The following PHACTR4 variants were observed in gnomAD, a reference collection of about 807,000 sequenced individuals.
The protein encoded by PHACTR4 is protein phosphatase 1, regulatory subunit 124.
PHACTR4 carries 51 observed loss-of-function variants against 72.7 expected under a neutral mutation model. The ratio of observed to expected loss-of-function variants is 0.70; its 90% CI spans 0.56 to 0.89. PHACTR4 has a LOEUF of 0.89. Ranked by LOEUF, PHACTR4 falls within the 40% of genes least tolerant of loss-of-function variation. The probability of loss-of-function intolerance (pLI) is 0.00; values close to 1 mark genes in which losing one functional copy is unlikely to be tolerated. For missense variants in PHACTR4, 731 were observed against 861.8 expected (o/e 0.85, Z 1.90); for synonymous variants, 255 against 302.5 (o/e 0.84, Z 1.63).
chr1:28,385,264 C>G (rs1236105651), intron 1 of PHACTR4, among the ~76,000 whole-genome samples: 1 of 151,944 alleles, frequency 6.6e-6, no homozygotes, highest in African/African-American at 2.4e-5. Flanking sequence ...TCATTCAGGG[C>G]CAGTAACAGT....
At chr1:28,491,143 A>G (rs1183793580) in intron 11 of PHACTR4, 131 bp downstream of exon 11, 6 of 871,504 alleles carry the variant, frequency 6.9e-6, no homozygotes, top group Non-Finnish European at 1.1e-5. Context: ...CCATGGCAGG[A>G]GGATTGCTTG....
rs1446073776 is a variant in PHACTR4, at chr1:28,491,721, A to G, written c.1950A>G (p.Val650=). ...KILRFNEYVE[V]TDAQDYDRRA... ...TGAGGTTTAATGAATATGTAGAGGTAACAGATGCTCAAGATTATGACCGGC... is the reference window on the plus strand; with the variant it reads ...TGAGGTTTAATGAATATGTAGAGGTGACAGATGCTCAAGATTATGACCGGC... Residue 650 remains valine (V), a synonymous_variant, in exon 12 of 14, where the codon GTA becomes GTG. Coordinates refer to ENST00000373839, the MANE Select transcript of PHACTR4 (RefSeq NM_001048183.3). The G allele has an allele frequency of 4.3e-6, 7 of 1,614,208 alleles. No individual in the cohort carries two copies. The highest frequency in any genetic ancestry group is 1.6e-4 in the Middle Eastern group (1 of 6,062).
At chr1:28,482,004 T>C (rs1660316253) in intron 9 of PHACTR4, among the ~76,000 whole-genome samples, 1 of 151,884 alleles carries the variant, frequency 6.6e-6, no homozygotes, top group African/African-American at 2.4e-5. Flanking sequence ...TTCAAGTGCT[T>C]CTCCTGCCTC....
In PHACTR4 at chr1:28,389,580, C is replaced by T. The variant is rs746119343; in HGVS notation, c.-38-17830C>T. ...GCAACCTCCGCCTCCCAGGTTCAAGCGATTCTCCTGCCTCAGCTTCCCGAG... is the reference window on the plus strand; with the variant it reads ...GCAACCTCCGCCTCCCAGGTTCAAGTGATTCTCCTGCCTCAGCTTCCCGAG... On this transcript the variant is annotated intron_variant, in intron 1 of 13. Coordinates refer to ENST00000373839, the MANE Select transcript of PHACTR4 (RefSeq NM_001048183.3). 4.0e-4 allele frequency among the ~76,000 whole-genome samples: 60 copies of T among 151,352 alleles called. 1 individual carries two copies. The South Asian group carries it at 4.2e-3, about 11-fold the overall frequency.
chr1:28,481,175 T>C (rs949367117), intron 9 of PHACTR4, among the ~76,000 whole-genome samples: 1 of 152,070 alleles, frequency 6.6e-6, no homozygotes, highest in Non-Finnish European at 1.5e-5. Context: ...TCCTCAGGCA[T>C]GCGCCACCAT....
chr1:28,495,299 G>A (rs1050900832), intron 13 of PHACTR4, among the ~76,000 whole-genome samples: 2 of 151,766 alleles, frequency 1.3e-5, no homozygotes, highest in African/African-American at 4.8e-5. Flanking sequence ...ATAGAGATGG[G>A]GTCTCACTAT....
Position 28,491,805 on chromosome 1 carries a change from T to A in PHACTR4, c.2016+18T>A. On this transcript the variant is annotated intron_variant, in intron 12 of 13. Transcript: ENST00000373839. ...CTGACAAGGTACCTGGAAAGCACTC[T>A]CTTGCTTTTTTTCTCTTTCTCTTTT... 5 of 1,604,042 alleles carry A rather than the reference T, an allele frequency of 3.1e-6. No individual in the cohort carries two copies. The highest frequency in any genetic ancestry group is 4.3e-6 in the Non-Finnish European group (5 of 1,175,858).
At chr1:28,421,273 T>C (rs377641454) in intron 2 of PHACTR4, among the ~76,000 whole-genome samples, 4 of 150,326 alleles carry the variant, frequency 2.7e-5, no homozygotes, top group Non-Finnish European at 4.5e-5. Flanking sequence ...TACACACACA[T>C]ACACACTCAC....
intron 4 of PHACTR4, among the ~76,000 whole-genome samples, chr1:28,462,165 A>T (rs974309712): frequency 1.2e-4 from 18 of 151,652 alleles, no homozygotes; most frequent in African/African-American, 4.4e-4. Context: ...CCGCCACCAC[A>T]CCTGGCTAAT....
At chr1:28,476,611 G>A (rs769593408) in intron 8 of PHACTR4, among the ~76,000 whole-genome samples, 1 of 147,946 alleles carries the variant, frequency 6.8e-6, no homozygotes, top group Non-Finnish European at 1.5e-5. Flanking sequence ...TGCAATCGTC[G>A]CTCACTGTAG....
chr1:28,482,749 G>C (rs879622715), intron 9 of PHACTR4, among the ~76,000 whole-genome samples: 1 of 151,206 alleles, frequency 6.6e-6, no homozygotes, highest in Non-Finnish European at 1.5e-5. Flanking sequence ...AGAGCAACCC[G>C]GGCAACAAAG....
chr1:28,371,260 G>A (rs1341643072), intron 1 of PHACTR4, among the ~76,000 whole-genome samples: 1 of 152,082 alleles, frequency 6.6e-6, no homozygotes, highest in Non-Finnish European at 1.5e-5. Flanking sequence ...CTAGAGGCAT[G>A]AGCCACTGTG....
rs554177700 is a variant in PHACTR4 at position 28,478,755 on chromosome 1, G to A, written c.1607-1696G>A. ...AGGCATGAGCCACCGTGACTGGCCC[G>A]GTAGTTCTATTTTTAAGGGTGTTTT... On this transcript the variant is annotated intron_variant, in intron 8 of 13. Coordinates refer to ENST00000373839, the MANE Select transcript of PHACTR4 (RefSeq NM_001048183.3). 4.0e-5 allele frequency among the ~76,000 whole-genome samples: 6 copies of A among 150,718 alleles called. No individual in the cohort carries two copies. In the East Asian group the frequency reaches 9.8e-4, roughly 25 times the overall value.
At chr1:28,386,346 G>A (rs1447118849) in intron 1 of PHACTR4, among the ~76,000 whole-genome samples, 1 of 151,970 alleles carries the variant, frequency 6.6e-6, no homozygotes. Flanking sequence ...TGCCTGCCTC[G>A]GCCTCCCAAA....
At chr1:28,396,662 CT>C (rs1332701722) in intron 1 of PHACTR4, among the ~76,000 whole-genome samples, 212 of 140,992 alleles carry the variant, frequency 1.5e-3, no homozygotes, top group Middle Eastern at 3.6e-3. Flanking sequence ...TAGTGATGTG[CT>C]TTTTTTTTTT....
intron 12 of PHACTR4, among the ~76,000 whole-genome samples, chr1:28,492,353 C>T (rs917860630): frequency 6.6e-6 from 1 of 151,846 alleles, no homozygotes; most frequent in African/African-American, 2.4e-5. Context: ...AGGAGAATTG[C>T]TTGAACCTAG....
intron 1 of PHACTR4, among the ~76,000 whole-genome samples, chr1:28,387,373 ATCT>A (rs1477999271): frequency 1.3e-5 from 2 of 152,134 alleles, no homozygotes; most frequent in Admixed American, 6.6e-5. Flanking sequence ...ATAGCCTTAC[ATCT>A]TCTTCCCTTC....
At chr1:28,448,250 T>C (rs775366544) in intron 2 of PHACTR4, among the ~76,000 whole-genome samples, 1 of 151,988 alleles carries the variant, frequency 6.6e-6, no homozygotes, top group Non-Finnish European at 1.5e-5. Flanking sequence ...GCACGGTGGC[T>C]CATGCCTGTA....
chr1:28,379,813 T>G (rs1451633337), intron 1 of PHACTR4, among the ~76,000 whole-genome samples: 2 of 151,138 alleles, frequency 1.3e-5, no homozygotes, highest in African/African-American at 4.9e-5. Flanking sequence ...ATGATCTCGA[T>G]CTCCTGACCT....
Sources: gnomAD v4.1 joint callset for allele counts (sites outside exome capture counted in the v4.1 genomes callset) on GRCh38, gnomAD v4.1.1 for gene constraint, MANE v1.5 for transcripts, NCBI Gene and HGNC (gene_info 2026-07-23, HGNC 2026-07-21) for gene names.